SPIRE1: variants seen among roughly 807,000 people sequenced by gnomAD.
SPIRE1 encodes spire type actin nucleation factor 1.
Under a neutral mutation model 94.1 loss-of-function variants are expected in SPIRE1, and 40 were observed. The ratio of observed to expected loss-of-function variants is 0.43; its 90% CI spans 0.33 to 0.55. The LOEUF (loss-of-function observed/expected upper bound fraction) is 0.55, where lower values mean the gene tolerates loss of function less well. SPIRE1 is among the 20% of genes least tolerant of loss of function. SPIRE1 has a pLI of 0.06. For synonymous variants in SPIRE1, 376 were observed against 371.7 expected (o/e 1.01, Z -0.13); for missense variants, 838 against 975.2 (o/e 0.86, Z 1.87).
chr18:12,489,259 T>C (rs1256315322), intron 8 of SPIRE1, among the ~76,000 whole-genome samples: 2 of 152,144 alleles, frequency 1.3e-5, no homozygotes, highest in Non-Finnish European at 2.9e-5. Context: ...AAAAAACATC[T>C]TCCACTCACC....
Position 12,493,214 on chromosome 18 carries a change from A to G in SPIRE1, c.1060-13T>C, listed in dbSNP as rs769801074. 5.0e-6 allele frequency: 8 copies of G among 1,605,390 alleles called. No individual in the cohort carries two copies. The highest frequency in any genetic ancestry group is 6.8e-6 in the Non-Finnish European group (8 of 1,177,636). ...TTCTGGCTGAGACCTTGAAAGTAAG[A>G]AAAATGGCTAAAGACTTCAGTAATT... On this transcript the variant is annotated splice_polypyrimidine_tract_variant and intron_variant, in intron 7 of 16. Coordinates refer to ENST00000409402, the MANE Select transcript of SPIRE1 (RefSeq NM_001128626.2).
chr18:12,594,773 G>C (rs890262054), intron 2 of SPIRE1, among the ~76,000 whole-genome samples: 11 of 152,048 alleles, frequency 7.2e-5, no homozygotes, highest in African/African-American at 2.7e-4. Flanking sequence ...AATTACTCTT[G>C]AGTGTTTTGC....
rs112713486 is a variant in SPIRE1 at position 12,578,780 on chromosome 18, A to G, written c.373-31876T>C. Among the ~76,000 whole-genome samples the G allele has an allele frequency of 2.4e-3, 362 of 152,290 alleles. 3 individuals are homozygous for G. The highest frequency in any genetic ancestry group is 0.014 in the South Asian group (68 of 4,816). On this transcript the variant is annotated intron_variant, in intron 2 of 16. Coordinates refer to ENST00000409402, the MANE Select transcript of SPIRE1 (RefSeq NM_001128626.2). ...ATTATAGCAGCCCAAACTGACTAAG[A>G]CAGTGAGAAAATACAGAATTCAAAT...
intron 2 of SPIRE1, among the ~76,000 whole-genome samples, chr18:12,607,604 C>T (rs8095072): frequency 0.087 from 4,104 of 46,924 alleles, 48 homozygotes; most frequent in East Asian, 0.24. Flanking sequence ...ACTACACACA[C>T]ACACACACAC....
At chr18:12,592,522 A>AAGTG (rs2036563309) in intron 2 of SPIRE1, among the ~76,000 whole-genome samples, 1 of 152,184 alleles carries the variant, frequency 6.6e-6, no homozygotes, top group Non-Finnish European at 1.5e-5. Flanking sequence ...AAGAGAGGCT[A>AAGTG]AGTGACCTGC....
At chr18:12,576,686 G>T (rs1368101110) in intron 2 of SPIRE1, among the ~76,000 whole-genome samples, 1 of 150,270 alleles carries the variant, frequency 6.7e-6, no homozygotes. Context: ...TCAGGAGATC[G>T]AGACCATCCT....
chr18:12,640,557 CA>C (rs1399020641), intron 1 of SPIRE1, among the ~76,000 whole-genome samples: 1 of 152,086 alleles, frequency 6.6e-6, no homozygotes, highest in Non-Finnish European at 1.5e-5. Flanking sequence ...AACACAGCCC[CA>C]AAAAAGTAAT....
rs114501593 is a variant in SPIRE1 at position 12,652,000 on chromosome 18, C to T, written c.337+5530G>A. 8.8e-3 allele frequency among the ~76,000 whole-genome samples: 1,345 copies of T among 152,302 alleles called. 28 individuals carry two copies. The highest frequency in any genetic ancestry group is 0.03 in the African/African-American group (1,238 of 41,558). On this transcript the variant is annotated intron_variant, in intron 1 of 16. Transcript: ENST00000409402. ...CATAATTTTTAAACGATTCTTTATA[C>T]ATCTAAACTAAAGGTACATCAAAAA...
At position 12,546,793 on chromosome 18, in the gene SPIRE1, T is replaced by C. The variant is rs1251800238; in HGVS notation, c.484A>G (p.Asn162Asp). ...TTGCTACCGTCAGCTTCCACCGTGTTGGCCATGTGATCGATAAGCTGCTCT... is the reference window on the plus strand; with the variant it reads ...TTGCTACCGTCAGCTTCCACCGTGTCGGCCATGTGATCGATAAGCTGCTCT... The part of the protein sequence containing the change: ...PLEQLIDHMA[N>D]TVEADGSNDE... Residue 162 changes from asparagine (N) to aspartate (D), a missense_variant, in exon 3 of 17, where the codon AAC becomes GAC. Coordinates refer to ENST00000409402, the MANE Select transcript of SPIRE1 (RefSeq NM_001128626.2). The C allele has an allele frequency of 1.9e-6, 3 of 1,614,176 alleles. No individual in the cohort carries two copies. The highest frequency in any genetic ancestry group is 2.5e-6 in the Non-Finnish European group (3 of 1,180,028).
intron 10 of SPIRE1, among the ~76,000 whole-genome samples, chr18:12,466,826 G>A (rs2032124583): frequency 6.6e-6 from 1 of 152,122 alleles, no homozygotes; most frequent in Non-Finnish European, 1.5e-5. Context: ...TAGGTATTAA[G>A]CCCAGCATAA....
intron 2 of SPIRE1, among the ~76,000 whole-genome samples, chr18:12,592,969 C>G (rs1167186883): frequency 6.6e-6 from 1 of 152,230 alleles, no homozygotes; most frequent in African/African-American, 2.4e-5. Context: ...GTGGCTGGGA[C>G]TACAGGCGCA....
intron 8 of SPIRE1, among the ~76,000 whole-genome samples, chr18:12,487,295 A>T (rs1255616396): frequency 6.6e-6 from 1 of 152,150 alleles, no homozygotes; most frequent in Non-Finnish European, 1.5e-5. Flanking sequence ...AACATAGTAC[A>T]TATAAAGTTT....
intron 5 of SPIRE1, 115 bp from the exon 6 acceptor site, chr18:12,506,756 C>T (rs17524778): frequency 9.7e-7 from 1 of 1,032,876 alleles, no homozygotes; most frequent in African/African-American, 1.6e-5. Context: ...AGTAAACCAA[C>T]AAAAAACTAT....
chr18:12,607,332 T>C (rs967522819), intron 2 of SPIRE1, among the ~76,000 whole-genome samples: 20 of 152,164 alleles, frequency 1.3e-4, no homozygotes, highest in African/African-American at 4.6e-4. Context: ...TTTGATTCTC[T>C]CCTAGCTAAA....
intron 2 of SPIRE1, among the ~76,000 whole-genome samples, chr18:12,573,930 G>A (rs550288117): frequency 8.9e-4 from 135 of 152,082 alleles, no homozygotes; most frequent in African/African-American, 3.0e-3. Context: ...TAGTAGAGAC[G>A]GGGTTTCACC....
chr18:12,465,265 C>A (rs144441902), intron 10 of SPIRE1, among the ~76,000 whole-genome samples: 1 of 152,140 alleles, frequency 6.6e-6, no homozygotes, highest in Non-Finnish European at 1.5e-5. Context: ...CAGCGTCTAC[C>A]TTCTGGGCCC....
chr18:12,528,767 G>C (rs534860174), intron 4 of SPIRE1, among the ~76,000 whole-genome samples: 8 of 152,346 alleles, frequency 5.3e-5, no homozygotes, highest in South Asian at 4.1e-4. Flanking sequence ...GACACAGTGA[G>C]AACACGAGGG....
intron 10 of SPIRE1, among the ~76,000 whole-genome samples, chr18:12,471,395 T>TG (rs1210214472): frequency 6.6e-6 from 1 of 151,698 alleles, no homozygotes; most frequent in Non-Finnish European, 1.5e-5. Context: ...TTTTTTTTTT[T>TG]TTTTTGGACA....
chr18:12,641,471 C>T (rs1029892883), intron 1 of SPIRE1, among the ~76,000 whole-genome samples: 3 of 151,674 alleles, frequency 2.0e-5, no homozygotes, highest in Non-Finnish European at 4.4e-5. Context: ...AGGGTTCAAG[C>T]GATTCTCCTG....
Sources: allele counts gnomAD v4.1 joint callset (sites outside exome capture counted in the v4.1 genomes callset), GRCh38; gene constraint gnomAD v4.1.1; transcripts MANE v1.5; gene names NCBI Gene and HGNC (gene_info 2026-07-23, HGNC 2026-07-21).